Variants in CTNNA3 observed in about 807,000 individuals in gnomAD.
CTNNA3 encodes the protein catenin alpha 3, also known as catenin alpha-3.
In CTNNA3, 76 loss-of-function variants were observed where a neutral mutation model predicts 95.7. The observed-to-expected ratio is 0.79, with a 90% CI of 0.66 to 0.96. The LOEUF (loss-of-function observed/expected upper bound fraction) is 0.96, where lower values mean the gene tolerates loss of function less well. Among genes scored for constraint, CTNNA3 ranks in the 40% least tolerant of loss-of-function variants. CTNNA3 has a pLI of 0.00. For synonymous variants in CTNNA3, 431 were observed against 374.4 expected (o/e 1.15, Z -1.74); for missense variants, 1,191 against 1,089.8 (o/e 1.09, Z -1.31).
At chr10:67,310,311 C>A (rs1840737523) in intron 5 of CTNNA3, among the ~76,000 whole-genome samples, 1 of 152,230 alleles carries the variant, frequency 6.6e-6, no homozygotes, top group African/African-American at 2.4e-5. Flanking sequence ...AATTACTACC[C>A]CTAAGTAATT....
chr10:65,916,235 T>G lies in CTNNA3; in HGVS notation c.*4095A>C, dbSNP rs1446411232. 2.0e-5 allele frequency: 3 copies of G among 152,050 alleles called. No individual in the cohort carries two copies. The highest frequency in any genetic ancestry group is 4.4e-5 in the Non-Finnish European group (3 of 68,008). 9.4% of individuals were successfully genotyped at this position (152,050 alleles called of 1,614,324 possible). A position where few individuals can be genotyped will look rare whatever the true frequency, so the allele number is the denominator to read the frequency against. ...AAAATAATATAAAATTATATTCTTT[T>G]TAACTGAAATATTTCTGGCTTTACA... On this transcript the variant is annotated 3_prime_UTR_variant, in exon 18 of 18. Transcript: ENST00000433211.
chr10:66,823,065 T>A (rs1056812388), intron 7 of CTNNA3, among the ~76,000 whole-genome samples: 1 of 152,202 alleles, frequency 6.6e-6, no homozygotes, highest in Non-Finnish European at 1.5e-5. Flanking sequence ...GCAGGGGGCC[T>A]GCAACAATTC....
At chr10:67,667,748 T>C (rs1169741378) in intron 1 of CTNNA3, among the ~76,000 whole-genome samples, 1 of 152,128 alleles carries the variant, frequency 6.6e-6, no homozygotes, top group East Asian at 1.9e-4. Context: ...TAACTAACAA[T>C]AGCCAGGTAA....
At chr10:66,029,926 G>A (rs2079417447) in intron 15 of CTNNA3, among the ~76,000 whole-genome samples, 1 of 152,148 alleles carries the variant, frequency 6.6e-6, no homozygotes, top group African/African-American at 2.4e-5. Context: ...AATGTTCATA[G>A]TCCAAATAAT....
At chr10:67,535,350 A>G (rs1028856038) in intron 4 of CTNNA3, among the ~76,000 whole-genome samples, 4 of 152,170 alleles carry the variant, frequency 2.6e-5, no homozygotes, top group African/African-American at 9.7e-5. Context: ...AAATGATATC[A>G]GGTTAGGAAA....
At chr10:66,913,096 G>T (rs1300371274) in intron 7 of CTNNA3, among the ~76,000 whole-genome samples, 1 of 151,712 alleles carries the variant, frequency 6.6e-6, no homozygotes, top group East Asian at 1.9e-4. Flanking sequence ...AAAATTAGCC[G>T]GGCGCTGTGG....
intron 12 of CTNNA3, among the ~76,000 whole-genome samples, chr10:66,286,301 T>C (rs1401697881): frequency 1.3e-5 from 2 of 152,058 alleles, no homozygotes; most frequent in Non-Finnish European, 2.9e-5. Context: ...GCAGAGTATA[T>C]TCTCTTGTTC....
chr10:66,797,015 T>G (rs1387893618), intron 7 of CTNNA3, among the ~76,000 whole-genome samples: 7 of 152,026 alleles, frequency 4.6e-5, no homozygotes, highest in Non-Finnish European at 8.8e-5. Flanking sequence ...AGTTATTCTT[T>G]GCATTTAGAG....
intron 7 of CTNNA3, among the ~76,000 whole-genome samples, chr10:66,835,465 T>C (rs187723987): frequency 9.8e-5 from 15 of 152,356 alleles, no homozygotes; most frequent in African/African-American, 3.6e-4. Context: ...TTCTGACTCT[T>C]AGGCCAGCTA....
At chr10:67,322,810 C>T (rs1390095018) in intron 5 of CTNNA3, among the ~76,000 whole-genome samples, 2 of 152,202 alleles carry the variant, frequency 1.3e-5, no homozygotes, top group African/African-American at 4.8e-5. Flanking sequence ...CCATCTTCCA[C>T]AATGGTCAAA....
At chr10:67,726,641 TATATAC>T (rs1564841382) in intron 1 of CTNNA3, among the ~76,000 whole-genome samples, 1 of 71,914 alleles carries the variant, frequency 1.4e-5, no homozygotes, top group Admixed American at 2.5e-4. Context: ...TTATATATAA[TATATAC>T]TATAATATAT....
At chr10:66,974,542 G>A (rs1251274915) in intron 7 of CTNNA3, among the ~76,000 whole-genome samples, 3 of 152,146 alleles carry the variant, frequency 2.0e-5, no homozygotes, top group Admixed American at 1.3e-4. Context: ...TTACTGGTTC[G>A]TAGTGTAAGT....
intron 10 of CTNNA3, among the ~76,000 whole-genome samples, chr10:66,525,938 A>G (rs1841242448): frequency 6.6e-6 from 1 of 152,186 alleles, no homozygotes; most frequent in African/African-American, 2.4e-5. Context: ...TTCCCTTAAC[A>G]TAATATTTTC....
intron 5 of CTNNA3, among the ~76,000 whole-genome samples, chr10:67,370,798 A>G (rs181150651): frequency 6.6e-6 from 1 of 152,162 alleles, no homozygotes; most frequent in African/African-American, 2.4e-5. Flanking sequence ...TCAGAGAAAA[A>G]ACAGATGAAA....
chr10:66,508,004 C>T (rs1840512164), intron 11 of CTNNA3, among the ~76,000 whole-genome samples: 1 of 152,002 alleles, frequency 6.6e-6, no homozygotes, highest in Admixed American at 6.6e-5. Context: ...ACTCCACATC[C>T]TTGTTAGCAT....
chr10:66,307,128 A>T (rs546849975), intron 12 of CTNNA3, among the ~76,000 whole-genome samples: 2 of 152,304 alleles, frequency 1.3e-5, no homozygotes, highest in South Asian at 4.1e-4. Context: ...AAGTTATATA[A>T]CTAGTACAGA....
chr10:66,996,591 TG>T (rs1478599137), intron 7 of CTNNA3, among the ~76,000 whole-genome samples: 3 of 125,764 alleles, frequency 2.4e-5, no homozygotes, highest in African/African-American at 9.1e-5. Context: ...GAGGTTGCAG[TG>T]GGTCAAGATC....
intron 14 of CTNNA3, among the ~76,000 whole-genome samples, chr10:66,070,849 T>C (rs1188454067): frequency 6.6e-6 from 1 of 152,108 alleles, no homozygotes; most frequent in Non-Finnish European, 1.5e-5. Flanking sequence ...TTGCACTTCA[T>C]CTCCTTAATA....
chr10:67,402,653 T>A (rs1038440688), intron 5 of CTNNA3, among the ~76,000 whole-genome samples: 1 of 152,052 alleles, frequency 6.6e-6, no homozygotes, highest in African/African-American at 2.4e-5. Flanking sequence ...GCCAAGGAAG[T>A]GGTAAGTGAA....
Sources: gnomAD v4.1 joint callset for allele counts (sites outside exome capture counted in the v4.1 genomes callset) on GRCh38, gnomAD v4.1.1 for gene constraint, MANE v1.5 for transcripts, NCBI Gene and HGNC (gene_info 2026-07-23, HGNC 2026-07-21) for gene names.